The following PRKCE variants were observed in gnomAD, a reference collection of about 807,000 sequenced individuals.
The protein encoded by PRKCE is protein kinase C epsilon.
Under a neutral mutation model 85.4 loss-of-function variants are expected in PRKCE, and 16 were observed. The observed-to-expected ratio is 0.19, with a 90% CI of 0.13 to 0.28. The LOEUF is 0.28. PRKCE is among the 10% of genes least tolerant of loss of function. The pLI, the probability that PRKCE is intolerant of heterozygous loss-of-function variation, is 1.00. For synonymous variants in PRKCE, 388 were observed against 371.5 expected (o/e 1.04, Z -0.51); for missense variants, 573 against 975.2 (o/e 0.59, Z 5.49).
chr2:46,099,434 A>G (rs1295904371), intron 11 of PRKCE, among the ~76,000 whole-genome samples: 1 of 151,976 alleles, frequency 6.6e-6, no homozygotes, highest in East Asian at 1.9e-4. Flanking sequence ...TCACAATACA[A>G]CATGTTTCCA....
At chr2:45,932,813 G>A (rs559343401) in intron 2 of PRKCE, among the ~76,000 whole-genome samples, 6 of 152,194 alleles carry the variant, frequency 3.9e-5, no homozygotes, top group East Asian at 3.9e-4. Flanking sequence ...CCGGGCAATC[G>A]TCATGCTACT....
At chr2:45,694,487 A>G (rs1677983997) in intron 1 of PRKCE, among the ~76,000 whole-genome samples, 1 of 152,210 alleles carries the variant, frequency 6.6e-6, no homozygotes, top group South Asian at 2.1e-4. Context: ...GTGCTAACAG[A>G]CACAAGAGGA....
intron 12 of PRKCE, among the ~76,000 whole-genome samples, chr2:46,148,309 C>G (rs1212583751): frequency 1.3e-5 from 2 of 152,232 alleles, no homozygotes; most frequent in Non-Finnish European, 2.9e-5. Flanking sequence ...CTGCCCAGAT[C>G]CACTGCCGAC....
At chr2:46,059,171 C>T (rs1370610882) in intron 10 of PRKCE, among the ~76,000 whole-genome samples, 1 of 110,992 alleles carries the variant, frequency 9.0e-6, no homozygotes. Flanking sequence ...GGATCACTAG[C>T]CATGAGCCCA....
At chr2:45,813,305 G>A (rs536442473) in intron 1 of PRKCE, among the ~76,000 whole-genome samples, 4 of 152,202 alleles carry the variant, frequency 2.6e-5, no homozygotes, top group Admixed American at 2.6e-4. Flanking sequence ...ATTTTCAAAA[G>A]AAGGGCCTTG....
chr2:46,112,638 C>G (rs961887155), intron 11 of PRKCE, among the ~76,000 whole-genome samples: 2 of 152,086 alleles, frequency 1.3e-5, no homozygotes, highest in South Asian at 2.1e-4. Context: ...CATGCCTCAG[C>G]CACCCCAAGT....
At chr2:45,892,088 TC>T (rs1695764559) in intron 2 of PRKCE, among the ~76,000 whole-genome samples, 5 of 152,204 alleles carry the variant, frequency 3.3e-5, no homozygotes, top group African/African-American at 1.2e-4. Flanking sequence ...TGTAAGCAGG[TC>T]CCCAAATGCC....
chr2:46,036,174 G>A (rs1707844838), intron 10 of PRKCE, among the ~76,000 whole-genome samples: 1 of 152,162 alleles, frequency 6.6e-6, no homozygotes, highest in Non-Finnish European at 1.5e-5. Flanking sequence ...GGACTTCTAA[G>A]GAGCAGTGAT....
chr2:45,961,735 G>T (rs1262177193), intron 2 of PRKCE, among the ~76,000 whole-genome samples: 3 of 151,244 alleles, frequency 2.0e-5, no homozygotes, highest in African/African-American at 4.9e-5. Context: ...CACTTTTGTT[G>T]TCCGGGCTGG....
At chr2:46,154,411 G>T (rs1676983472) in intron 13 of PRKCE, among the ~76,000 whole-genome samples, 1 of 151,472 alleles carries the variant, frequency 6.6e-6, no homozygotes, top group East Asian at 1.9e-4. Context: ...TACTTCTGTT[G>T]CACTTCTCTG....
In PRKCE at chr2:45,833,820, A is replaced by G. The variant is rs558404319; in HGVS notation, c.349-9180A>G. Among the ~76,000 whole-genome samples the G allele has an allele frequency of 9.8e-5, 15 of 152,310 alleles. No individual in the cohort carries two copies. The South Asian group carries it at 3.1e-3, about 32-fold the overall frequency. On this transcript the variant is annotated intron_variant, in intron 1 of 14. Transcript: ENST00000306156. ...ATCGGCAGTGGATTATCTGCTTCAG[A>G]ATGCTTGGGTAGGTGGCTACATTTC...
intron 6 of PRKCE, among the ~76,000 whole-genome samples, chr2:45,994,847 G>C (rs1278875731): frequency 6.6e-6 from 1 of 152,142 alleles, no homozygotes; most frequent in Non-Finnish European, 1.5e-5. Flanking sequence ...ATTTAGTTTT[G>C]TAAGAAACTG....
Position 45,780,450 on chromosome 2 carries a change from G to C in PRKCE, c.349-62550G>C, listed in dbSNP as rs148870748. Among the ~76,000 whole-genome samples, 3 of 152,318 alleles carry C rather than the reference G, an allele frequency of 2.0e-5. No individual in the cohort carries two copies. The East Asian group carries it at 5.8e-4, about 29-fold the overall frequency. The stretch of plus-strand genomic sequence containing the variant: ...TGTAAACTGGTAATGAGTTCTAGGT[G>C]CTTGAGCAGAATTAGATTTGATTTC... On this transcript the variant is annotated intron_variant, in intron 1 of 14. Transcript: ENST00000306156.
At chr2:46,055,080 C>T (rs1043247477) in intron 10 of PRKCE, among the ~76,000 whole-genome samples, 3 of 152,164 alleles carry the variant, frequency 2.0e-5, no homozygotes, top group East Asian at 1.9e-4. Context: ...TCCTGGACGC[C>T]GGACAATACA....
intron 14 of PRKCE, among the ~76,000 whole-genome samples, chr2:46,166,633 G>A (rs1265176692): frequency 6.6e-6 from 1 of 152,184 alleles, no homozygotes; most frequent in Non-Finnish European, 1.5e-5. Flanking sequence ...CTGGACCTCT[G>A]GCTTCCTTGA....
At chr2:45,716,632 G>A (rs1026747042) in intron 1 of PRKCE, among the ~76,000 whole-genome samples, 1 of 108,114 alleles carries the variant, frequency 9.2e-6, no homozygotes, top group African/African-American at 3.8e-5. Flanking sequence ...AGGAGAAGGA[G>A]AAGAAGAAGA....
At chr2:46,177,739 C>T (rs1679561265) in intron 14 of PRKCE, among the ~76,000 whole-genome samples, 1 of 152,192 alleles carries the variant, frequency 6.6e-6, no homozygotes, top group African/African-American at 2.4e-5. Flanking sequence ...TGGGGAGACA[C>T]AATTCAACTC....
intron 2 of PRKCE, among the ~76,000 whole-genome samples, chr2:45,920,756 G>A (rs957014444): frequency 2.6e-5 from 4 of 152,170 alleles, no homozygotes; most frequent in Non-Finnish European, 4.4e-5. Context: ...GGGGGTGGTC[G>A]CTAAAGAATA....
At chr2:45,961,998 A>G (rs1363484374) in intron 2 of PRKCE, among the ~76,000 whole-genome samples, 1 of 152,174 alleles carries the variant, frequency 6.6e-6, no homozygotes, top group Non-Finnish European at 1.5e-5. Context: ...CCCGGCTGCC[A>G]GGGATTCTTA....
Sources: gnomAD v4.1 joint callset for allele counts (sites outside exome capture counted in the v4.1 genomes callset) on GRCh38, gnomAD v4.1.1 for gene constraint, MANE v1.5 for transcripts, NCBI Gene and HGNC (gene_info 2026-07-23, HGNC 2026-07-21) for gene names.